The following NACC2 variants were observed in gnomAD, a reference collection of about 807,000 sequenced individuals.
The protein encoded by NACC2 is nucleus accumbens-associated protein 2.
NACC2 carries 8 observed loss-of-function variants against 25.1 expected under a neutral mutation model. The ratio of observed to expected loss-of-function variants is 0.32; its 90% confidence interval spans 0.19 to 0.57. The LOEUF (loss-of-function observed/expected upper bound fraction) is 0.57. NACC2 is among the 20% of genes least tolerant of loss of function. The pLI, the probability that NACC2 is intolerant of heterozygous loss-of-function variation, is 0.89. For missense variants in NACC2, 644 were observed against 650.2 expected, an observed-to-expected ratio of 0.99 and a Z score of 0.10; for synonymous variants, 435 against 294.7, an observed-to-expected ratio of 1.48 and a Z score of -4.88.
intron 1 of NACC2, among the ~76,000 whole-genome samples, chr9:136,057,739 G>A (rs1054956393): frequency 7.2e-5 from 11 of 152,182 alleles, no homozygotes; most frequent in Non-Finnish European, 1.6e-4. Context: ...CGGAGCGGCC[G>A]GGAGGGGAAG....
chr9:136,050,081 G>A lies in NACC2; in HGVS notation c.441C>T (p.Asn147=). The change falls in exon 2 of 6, where the codon AAC becomes AAT. Residue 147 remains asparagine, a synonymous_variant. Coordinates refer to ENST00000277554, the MANE Select transcript of NACC2 (RefSeq NM_144653.5). ...CGGCGGCGGCGGCCGGCTGCAGCTGGTTGCAGGGGCTCTGGGGCTCGGAGC... is the reference window on the plus strand; with the variant it reads ...CGGCGGCGGCGGCCGGCTGCAGCTGATTGCAGGGGCTCTGGGGCTCGGAGC... The part of the protein sequence containing the change: ...DAGSEPQSPC[N]QLQPAAAAAA... 1 of 746,098 alleles carries A rather than the reference G, an allele frequency of 1.3e-6. No homozygotes were observed. Among genetic ancestry groups the A allele is most frequent in the South Asian group, 1.4e-5 (1 of 71,798 alleles). The allele number at this position is 746,098 out of a possible 1,614,324, so 46.2% of individuals were successfully genotyped here.
At position 136,011,362 on chromosome 9, in the gene NACC2, T is replaced by G; in HGVS notation, c.*154A>C. On this transcript the variant is annotated 3_prime_UTR_variant, in exon 6 of 6. Coordinates refer to ENST00000277554, the MANE Select transcript of NACC2 (RefSeq NM_144653.5). ...AGTATAATGAATGCATTTGTTTCCT[T>G]CATCAATTTTAAATACAAGCAGAAT... 1.1e-6 allele frequency: 1 copy of G among 889,004 alleles called. No individual in the cohort carries two copies. The highest frequency in any genetic ancestry group is 1.5e-6 in the Non-Finnish European group (1 of 658,794). The allele number at this position is 889,004 out of a possible 1,614,324, so 55.1% of individuals were successfully genotyped here.
intron 2 of NACC2, among the ~76,000 whole-genome samples, chr9:136,038,794 G>A (rs2131152840): frequency 6.6e-6 from 1 of 152,286 alleles, no homozygotes; most frequent in Middle Eastern, 3.4e-3. Flanking sequence ...AATTGAGGAG[G>A]TGGGCTGAGG....
intron 1 of NACC2, among the ~76,000 whole-genome samples, chr9:136,081,443 G>C (rs1021784724): frequency 1.3e-5 from 2 of 152,234 alleles, no homozygotes. Flanking sequence ...CTCAGCACTC[G>C]GACCTGCTCT....
rs1840113977 is a variant in NACC2, at chr9:136,011,791, C to T, written c.1489G>A (p.Ala497Thr). 3.2e-6 allele frequency: 5 copies of T among 1,576,646 alleles called. No individual in the cohort carries two copies. Among genetic ancestry groups the T allele is most frequent in the African/African-American group, 2.7e-5 (2 of 73,766 alleles). The change falls in exon 6 of 6, where the codon GCC becomes ACC. Residue 497 changes from alanine (A) to threonine (T), a missense_variant. Ala to Thr is a moderately conservative substitution (Grantham distance 58, BLOSUM62 0). Transcript: ENST00000277554. ...GTGGCGGCGTCGCCCCGCCGCTCGG[C>T]GTAGATGCGTTGCTCGAACACCTGT... is the stretch of plus-strand genomic sequence containing the variant. ...AAQVFEQRIY[A>T]ERRGDAATIV... is the part of the protein sequence containing the mutation.
intron 2 of NACC2, among the ~76,000 whole-genome samples, chr9:136,046,850 G>A (rs1840733317): frequency 6.6e-6 from 1 of 152,218 alleles, no homozygotes; most frequent in Admixed American, 6.5e-5. Context: ...CGGGGGCTGT[G>A]CCGGGGACAA....
At chr9:136,056,654 C>CGG (rs1042608272) in intron 1 of NACC2, among the ~76,000 whole-genome samples, 1 of 152,224 alleles carries the variant, frequency 6.6e-6, no homozygotes, top group Non-Finnish European at 1.5e-5. Flanking sequence ...CACAGAGGTA[C>CGG]GGGGGGTCTC....
At chr9:136,060,279 A>G (rs1588575679) in intron 1 of NACC2, among the ~76,000 whole-genome samples, 2 of 152,336 alleles carry the variant, frequency 1.3e-5, no homozygotes, top group Non-Finnish European at 2.9e-5. Flanking sequence ...TAAAAGAGGG[A>G]AAAACGGCGG....
At chr9:136,065,099 ACT>A (rs1251003865) in intron 1 of NACC2, among the ~76,000 whole-genome samples, 1 of 152,182 alleles carries the variant, frequency 6.6e-6, no homozygotes, top group African/African-American at 2.4e-5. Context: ...AAACTATAAA[ACT>A]CTTACAAGAA....
chr9:136,094,426 G>A (rs980911070), intron 1 of NACC2, among the ~76,000 whole-genome samples: 2 of 152,218 alleles, frequency 1.3e-5, no homozygotes, highest in African/African-American at 2.4e-5. Flanking sequence ...ATCCCAGCAA[G>A]AGAAGCAGGA....
chr9:136,032,842 C>G (rs1416086015), intron 2 of NACC2, among the ~76,000 whole-genome samples: 1 of 151,752 alleles, frequency 6.6e-6, no homozygotes, highest in Admixed American at 6.6e-5. Context: ...ATGGTGAAAC[C>G]CCGTCTCTAT....
chr9:136,014,001 G>GCCT (rs1223427357), intron 3 of NACC2, 32 bp from the exon 4 acceptor site: 1 of 1,524,522 alleles, frequency 6.6e-7, no homozygotes, highest in Admixed American at 1.8e-5. Flanking sequence ...AGGGCTCGTG[G>GCCT]CCTTCCCGGG....
chr9:136,091,981 T>G (rs1329380839), intron 1 of NACC2, among the ~76,000 whole-genome samples: 2 of 152,098 alleles, frequency 1.3e-5, no homozygotes, highest in African/African-American at 4.8e-5. Flanking sequence ...CCAAACAACC[T>G]TCCAGTCACA....
intron 1 of NACC2, among the ~76,000 whole-genome samples, chr9:136,092,387 ACCTCAC>A (rs1226390645): frequency 6.6e-6 from 1 of 152,076 alleles, no homozygotes; most frequent in Non-Finnish European, 1.5e-5. Flanking sequence ...ACCCAGTCAG[ACCTCAC>A]AAACTCCCGC....
At position 136,055,767 on chromosome 9, in the gene NACC2, G is replaced by A. The variant is rs540183894; in HGVS notation, c.-59-5187C>T. On this transcript the variant is annotated intron_variant, in intron 1 of 5. Transcript: ENST00000277554. This position sits in a 1 kb window ranked among gnomAD's most constrained non-coding sequence, Gnocchi z 4.9. ...TAGAGGAAGGAGAGAGGCGGGGCAC[G>A]GGAAACGTTCTGCGGAGGGGAGAGT... Among the ~76,000 whole-genome samples the A allele has an allele frequency of 4.1e-4, 62 of 152,314 alleles. No homozygotes were observed. Among genetic ancestry groups the A allele is most frequent in the Middle Eastern group, 6.8e-3 (2 of 294 alleles).
chr9:136,027,602 TACA>T (rs1305231742), intron 2 of NACC2, among the ~76,000 whole-genome samples: 3 of 151,912 alleles, frequency 2.0e-5, no homozygotes, highest in Non-Finnish European at 4.4e-5. Context: ...AATTAAGCAG[TACA>T]TTGCTACATA....
Position 136,086,605 on chromosome 9 carries a change from G to A in NACC2, c.-60+8584C>T, listed in dbSNP as rs1255896859. On this transcript the variant is annotated intron_variant, in intron 1 of 5. Transcript: ENST00000277554. The surrounding 1 kb of genome is among the most constrained non-coding windows in gnomAD (Gnocchi z 5.6). ...CTGTCATTTCCAGGCCACTTCCTAT[G>A]ACATGGACTCACCGCCTAAACTGGG... 4.6e-5 allele frequency among the ~76,000 whole-genome samples: 7 copies of A among 152,222 alleles called. No homozygotes were observed. Among genetic ancestry groups the A allele is most frequent in the African/African-American group, 1.7e-4 (7 of 41,462 alleles).
At chr9:136,065,811 CAAA>C (rs34024892) in intron 1 of NACC2, among the ~76,000 whole-genome samples, 1 of 136,852 alleles carries the variant, frequency 7.3e-6, no homozygotes, top group African/African-American at 2.8e-5. Flanking sequence ...ACCCTGTCTC[CAAA>C]AAAAAAAAAG....
chr9:136,042,277 C>CT (rs1393108285), intron 2 of NACC2, among the ~76,000 whole-genome samples: 1 of 152,128 alleles, frequency 6.6e-6, no homozygotes, highest in African/African-American at 2.4e-5. Flanking sequence ...TGTGAGCCAC[C>CT]TTGTCCAGCC....
Sources: gnomAD v4.1 joint callset for allele counts (sites outside exome capture counted in the v4.1 genomes callset) on GRCh38, gnomAD v4.1.1 for gene constraint, Gnocchi (gnomAD v3.1) non-coding constraint, MANE v1.5 for transcripts, NCBI Gene and HGNC (gene_info 2026-07-23, HGNC 2026-07-21) for gene names.